Variants in DUSP2 observed in about 807,000 individuals in gnomAD.
DUSP2 encodes the protein dual specificity protein phosphatase 2.
Under a neutral mutation model 23.3 loss-of-function variants are expected in DUSP2, and 20 were observed. The ratio of observed to expected loss-of-function variants is 0.86; its 90% CI spans 0.60 to 1.25. The LOEUF (loss-of-function observed/expected upper bound fraction) is 1.25, where lower values mean the gene tolerates loss of function less well. Ranked by LOEUF, DUSP2 falls within the 50% of genes most tolerant of loss-of-function variation. The pLI is 0.00. For missense variants in DUSP2, 435 were observed against 452.6 expected, an observed-to-expected ratio of 0.96 and a Z score of 0.35; for synonymous variants, 231 against 209.7, an observed-to-expected ratio of 1.10 and a Z score of -0.88.
In DUSP2 at chr2:96,145,320, G is replaced by A. The variant is rs1488845555; in HGVS notation, c.35C>T (p.Ala12Val). ...GLEAARELEC[A>V]ALGTLLRDPR... ...ATCCCGCAGCAGCGTGCCCAGCGCC[G>A]CGCACTCCAGCTCGCGCGCCGCCTC... The change falls in exon 1 of 4, where the codon GCG (alanine) becomes GTG (valine). Residue 12 changes from alanine (A) to valine (V), a missense_variant. Physicochemically the swap from Ala to Val is moderately conservative, Grantham distance 64 (BLOSUM62 0). Transcript: ENST00000288943. The A allele has an allele frequency of 2.1e-6, 3 of 1,425,222 alleles. No individual in the cohort carries two copies. Among genetic ancestry groups the A allele is most frequent in the Admixed American group, 5.2e-5 (2 of 38,282 alleles). 88.3% of individuals were successfully genotyped at this position (1,425,222 alleles called of 1,614,324 possible).
At position 96,145,274 on chromosome 2, in the gene DUSP2, C is replaced by A. The variant is rs888073555; in HGVS notation, c.81G>T (p.Thr27=). 7.5e-7 allele frequency: 1 copy of A among 1,334,724 alleles called. No individual in the cohort carries two copies. The highest frequency in any genetic ancestry group is 9.5e-7 in the Non-Finnish European group (1 of 1,048,200). The allele number at this position is 1,334,724 out of a possible 1,614,324, so 82.7% of individuals were successfully genotyped here. ...LLRDPREAER[T]LLLDCRPFLA... is the part of the protein sequence containing the mutation. ...GGAAGGGGCGGCAGTCCAGCAGCAGCGTGCGTTCCGCCTCCCGCGGATCCC... is the reference window on the plus strand; with the variant it reads ...GGAAGGGGCGGCAGTCCAGCAGCAGAGTGCGTTCCGCCTCCCGCGGATCCC... The change falls in exon 1 of 4, where the codon ACG becomes ACT. Residue 27 remains threonine (T), a synonymous_variant. Coordinates refer to ENST00000288943, the MANE Select transcript of DUSP2 (RefSeq NM_004418.4).
In DUSP2 at chr2:96,143,786, C is replaced by A; in HGVS notation, c.*37G>T. The A allele has an allele frequency of 6.2e-7, 1 of 1,606,756 alleles. No individual in the cohort carries two copies. The highest frequency in any genetic ancestry group is 8.5e-7 in the Non-Finnish European group (1 of 1,176,766). On this transcript the variant is annotated 3_prime_UTR_variant, in exon 4 of 4. Coordinates refer to ENST00000288943, the MANE Select transcript of DUSP2 (RefSeq NM_004418.4). ...CCCACCAGTCCACAGTCAGCTCCTG[C>A]CAGCACAGTGGGGCAGGCAGGCAGA... is the stretch of plus-strand genomic sequence containing the variant.
Position 96,144,956 on chromosome 2 carries a change from G to T in DUSP2, c.388+11C>A. The T allele has an allele frequency of 6.5e-7, 1 of 1,546,754 alleles. No individual in the cohort carries two copies. The highest frequency in any genetic ancestry group is 1.2e-5 in the South Asian group (1 of 84,182). On this transcript the variant is annotated intron_variant, in intron 1 of 3. Coordinates refer to ENST00000288943, the MANE Select transcript of DUSP2 (RefSeq NM_004418.4). ...CGGGTGGGGCGGGCCAAGGGCGGCCGGCTTGCTCACCTCGCAGGAAGTACA... is the reference window on the plus strand; with the variant it reads ...CGGGTGGGGCGGGCCAAGGGCGGCCTGCTTGCTCACCTCGCAGGAAGTACA...
At position 96,145,254 on chromosome 2, in the gene DUSP2, G is replaced by C. The variant is rs1682492132; in HGVS notation, c.101C>G (p.Pro34Arg). ...AERTLLLDCRPFLAFCRRHVR... is the reference protein window; with the variant it reads ...AERTLLLDCRRFLAFCRRHVR... ...GTGGCGCCGGCAGAAGGCCAGGAAG[G>C]GGCGGCAGTCCAGCAGCAGCGTGCG... Residue 34 changes from proline (P) to arginine (R), a missense_variant, in exon 1 of 4, where the codon CCC becomes CGC. By Grantham distance (103) the Pro-to-Arg change is moderately radical. Transcript: ENST00000288943. 1 of 1,291,314 alleles carries C rather than the reference G, an allele frequency of 7.7e-7. No homozygotes were observed. 80.0% of individuals were successfully genotyped at this position (1,291,314 alleles called of 1,614,324 possible). A position where few individuals can be genotyped will look rare whatever the true frequency, so the allele number is the denominator to read the frequency against.
At chr2:96,144,556 C>A in intron 2 of DUSP2, 183 bp from the exon 3 acceptor site, 1 of 729,824 alleles carries the variant, frequency 1.4e-6, no homozygotes, top group Non-Finnish European at 2.2e-6. Flanking sequence ...CTTCATGCTC[C>A]CAACATACAC....
In DUSP2 at chr2:96,143,891, C is replaced by A. The variant is rs373082796; in HGVS notation, c.877G>T (p.Val293Phe). 29 of 1,613,540 alleles carry A rather than the reference C, an allele frequency of 1.8e-5. No homozygotes were observed. Among genetic ancestry groups the A allele is most frequent in the Middle Eastern group, 3.3e-4 (2 of 6,078 alleles). The change falls in exon 4 of 4, where the codon GTC becomes TTC. Residue 293 changes from valine (V) to phenylalanine (F), a missense_variant. By Grantham distance (50) the Val-to-Phe change is conservative (BLOSUM62 -1). Transcript: ENST00000288943. The stretch of plus-strand genomic sequence containing the variant: ...ATGAAACTGAAGTTGGGGGAGATGA[C>A]CCCCCGGCGCTGCTTAACGAAGTCA... ...AFDFVKQRRGVISPNFSFMGQ... is the reference protein window; with the variant it reads ...AFDFVKQRRGFISPNFSFMGQ...
chr2:96,145,200 TTCCAAGGCACTGGCCGC>T lies in DUSP2; in HGVS notation c.138_154del (p.Pro48AlafsTer92). The T allele has an allele frequency of 7.8e-7, 1 of 1,282,174 alleles. No individual in the cohort carries two copies. Among genetic ancestry groups the T allele is most frequent in the Non-Finnish European group, 9.8e-7 (1 of 1,021,936 alleles). The allele number at this position is 1,282,174 out of a possible 1,614,324, so 79.4% of individuals were successfully genotyped here. The stretch of plus-strand genomic sequence containing the variant: ...GCGCGCGCGGCGCCGCAGCAGCGCG[TTCCAAGGCACTGGCCGC>T]GCGGCGCGCACGTGGCGCCGGCAGA... On this transcript the variant is annotated frameshift_variant, in exon 1 of 4. Transcript: ENST00000288943. LOFTEE classifies it high-confidence loss of function.
chr2:96,143,878 T>C lies in DUSP2; in HGVS notation c.890A>G (p.Asn297Ser). 2.5e-6 allele frequency: 4 copies of C among 1,613,610 alleles called. No individual in the cohort carries two copies. The highest frequency in any genetic ancestry group is 1.3e-5 in the African/African-American group (1 of 75,026). The change falls in exon 4 of 4, where the codon AAC becomes AGC. Residue 297 changes from asparagine to serine, a missense_variant. Physicochemically the swap from Asn to Ser is conservative, Grantham distance 46. Coordinates refer to ENST00000288943, the MANE Select transcript of DUSP2 (RefSeq NM_004418.4). ...VKQRRGVISPNFSFMGQLLQF... is the reference protein window; with the variant it reads ...VKQRRGVISPSFSFMGQLLQF... ...CAGCAGCTGCCCCATGAAACTGAAGTTGGGGGAGATGACCCCCCGGCGCTG... is the reference window on the plus strand; with the variant it reads ...CAGCAGCTGCCCCATGAAACTGAAGCTGGGGGAGATGACCCCCCGGCGCTG...
rs374064287 is a variant in DUSP2 at position 96,144,737 on chromosome 2, C to T, written c.510+24G>A. 3.3e-6 allele frequency: 5 copies of T among 1,527,090 alleles called. No individual in the cohort carries two copies. In the East Asian group the frequency reaches 7.0e-5, roughly 21 times the overall value. 94.6% of individuals were successfully genotyped at this position (1,527,090 alleles called of 1,614,324 possible). ...TCCGCGGCGGGGAGAGAGGGAGGTT[C>T]GGGGGAGGGGGGTCAATACTCACCT... On this transcript the variant is annotated intron_variant, in intron 2 of 3. Transcript: ENST00000288943.
rs1452780497 is a variant in DUSP2, at chr2:96,144,474, T to G, written c.511-101A>C. The G allele has an allele frequency of 4.2e-6, 5 of 1,177,102 alleles. No individual in the cohort carries two copies. The African/African-American group carries it at 7.7e-5, about 18-fold the overall frequency. The allele number at this position is 1,177,102 out of a possible 1,614,324, so 72.9% of individuals were successfully genotyped here. On this transcript the variant is annotated intron_variant, in intron 2 of 3. Transcript: ENST00000288943. ...CATGGGCTGGCCGAGACAAGAGGAC[T>G]CCTCAGCCAGTCCTCCTGACCTGAG...
At chr2:96,144,130 T>A in intron 3 of DUSP2, 24 bp downstream of exon 3, 1 of 1,613,442 alleles carries the variant, frequency 6.2e-7, no homozygotes, top group Non-Finnish European at 8.5e-7. Flanking sequence ...CCCTCGGGAT[T>A]TCTGGGCAGA....
chr2:96,145,041 CT>C lies in DUSP2; in HGVS notation c.313del (p.Ser105AlafsTer136). The C allele has an allele frequency of 6.5e-7, 1 of 1,530,592 alleles. No individual in the cohort carries two copies. The highest frequency in any genetic ancestry group is 8.7e-7 in the Non-Finnish European group (1 of 1,144,484). 94.8% of individuals were successfully genotyped at this position (1,530,592 alleles called of 1,614,324 possible). ...SASVAELRPD[S>X]PAHVLLAALL... is the part of the protein sequence containing the mutation. ...CGCGGCCAGCAGCACATGAGCCGGGCTGTCGGGCCGGAGCTCCGCCACCGAG... is the reference window on the plus strand; with the variant it reads ...CGCGGCCAGCAGCACATGAGCCGGGCGTCGGGCCGGAGCTCCGCCACCGAG... On this transcript the variant is annotated frameshift_variant, in exon 1 of 4. Coordinates refer to ENST00000288943, the MANE Select transcript of DUSP2 (RefSeq NM_004418.4). LOFTEE classifies it high-confidence loss of function.
chr2:96,144,497 G>A, intron 2 of DUSP2, 124 bp from the exon 3 acceptor site: 2 of 940,458 alleles, frequency 2.1e-6, no homozygotes, highest in Non-Finnish European at 3.2e-6. Flanking sequence ...CTCCTGACCT[G>A]AGACAGGTCT....
At position 96,143,447 on chromosome 2, in the gene DUSP2, C is replaced by A. The variant is rs1682439864; in HGVS notation, c.*376G>T. On this transcript the variant is annotated 3_prime_UTR_variant, in exon 4 of 4. Coordinates refer to ENST00000288943, the MANE Select transcript of DUSP2 (RefSeq NM_004418.4). Reference sequence around the variant, plus strand: ...GGCCCTGGGCAGACGAACCCACAGACAGGGCTCCTGGTTGTCACAGCTTGT... The same window carrying A: ...GGCCCTGGGCAGACGAACCCACAGAAAGGGCTCCTGGTTGTCACAGCTTGT... 4.7e-6 allele frequency: 1 copy of A among 211,424 alleles called. No homozygotes were observed. The highest frequency in any genetic ancestry group is 5.3e-5 in the Admixed American group (1 of 18,836). The allele number at this position is 211,424 out of a possible 1,614,324, so 13.1% of individuals were successfully genotyped here. A position where few individuals can be genotyped will look rare whatever the true frequency, so the allele number is the denominator to read the frequency against.
Position 96,144,009 on chromosome 2 carries a change from C to A in DUSP2, c.759G>T (p.Val253=), listed in dbSNP as rs373647887. The A allele has an allele frequency of 2.7e-5, 44 of 1,613,680 alleles. No individual in the cohort carries two copies. Among genetic ancestry groups the A allele is most frequent in the Non-Finnish European group, 3.6e-5 (43 of 1,180,018 alleles). Residue 253 remains valine (V), a synonymous_variant, in exon 4 of 4, where the codon GTG becomes GTT. Transcript: ENST00000288943. ...IDWVKNSGGR[V]LVHCQAGISR... is the part of the protein sequence containing the mutation. Reference sequence around the variant, plus strand: ...AGATACCCGCCTGGCAGTGCACCAGCACCCGGCCTCCGCTGTTCTTCACCC... The same window carrying A: ...AGATACCCGCCTGGCAGTGCACCAGAACCCGGCCTCCGCTGTTCTTCACCC...
In DUSP2 at chr2:96,144,237, AG is replaced by A; in HGVS notation, c.646del (p.Leu216PhefsTer25). On this transcript the variant is annotated frameshift_variant, in exon 3 of 4. Coordinates refer to ENST00000288943, the MANE Select transcript of DUSP2 (RefSeq NM_004418.4). LOFTEE classifies it high-confidence loss of function. ...SASCPNHFEG[L>X]FRYKSIPVED... is the part of the protein sequence containing the mutation. Reference sequence around the variant, plus strand: ...CACAGGGATACTCTTGTAGCGGAAAAGGCCCTCAAAGTGGTTGGGGCAGCTG... The same window carrying A: ...CACAGGGATACTCTTGTAGCGGAAAAGCCCTCAAAGTGGTTGGGGCAGCTG... 1 of 1,614,132 alleles carries A rather than the reference AG, an allele frequency of 6.2e-7. No homozygotes were observed. Among genetic ancestry groups the A allele is most frequent in the Non-Finnish European group, 8.5e-7 (1 of 1,180,034 alleles).
rs559291993 is a variant in DUSP2, at chr2:96,144,748, G to A, written c.510+13C>T. On this transcript the variant is annotated intron_variant, in intron 2 of 3. Coordinates refer to ENST00000288943, the MANE Select transcript of DUSP2 (RefSeq NM_004418.4). Reference sequence around the variant, plus strand: ...GAGAGAGGGAGGTTCGGGGGAGGGGGGTCAATACTCACCTGGTCGTAGACA... The same window carrying A: ...GAGAGAGGGAGGTTCGGGGGAGGGGAGTCAATACTCACCTGGTCGTAGACA... The A allele has an allele frequency of 1.7e-5, 26 of 1,563,280 alleles. No homozygotes were observed. Among genetic ancestry groups the A allele is most frequent in the Non-Finnish European group, 2.0e-5 (23 of 1,154,790 alleles).
rs1289818194 is a variant in DUSP2, at chr2:96,144,960, T to C, written c.388+7A>G. 1.9e-6 allele frequency: 3 copies of C among 1,546,276 alleles called. No individual in the cohort carries two copies. The South Asian group carries it at 3.6e-5, about 18-fold the overall frequency. ...TGGGGCGGGCCAAGGGCGGCCGGCT[T>C]GCTCACCTCGCAGGAAGTACACGGC... On this transcript the variant is annotated splice_region_variant and intron_variant, in intron 1 of 3. Coordinates refer to ENST00000288943, the MANE Select transcript of DUSP2 (RefSeq NM_004418.4).
Position 96,144,971 on chromosome 2 carries a change from C to T in DUSP2, c.384G>A (p.Leu128=). Residue 128 remains leucine, a synonymous_variant, in exon 1 of 4, where the codon CTG becomes CTA. Transcript: ENST00000288943. ...AAGGGCGGCCGGCTTGCTCACCTCG[C>T]AGGAAGTACACGGCAGTGGGCCCCG... ...TRAGPTAVYF[L]RGGFDGFQGC... is the part of the protein sequence containing the mutation. 6.5e-7 allele frequency: 1 copy of T among 1,545,986 alleles called. No individual in the cohort carries two copies. The highest frequency in any genetic ancestry group is 8.7e-7 in the Non-Finnish European group (1 of 1,149,398).
Sources: gnomAD v4.1 joint callset for allele counts on GRCh38, gnomAD v4.1.1 for gene constraint, MANE v1.5 for transcripts, NCBI Gene and HGNC (gene_info 2026-07-23, HGNC 2026-07-21) for gene names.